CREB1: variants seen among roughly 807,000 people sequenced by gnomAD.
CREB1 encodes cyclic AMP-responsive element-binding protein 1.
A neutral mutation model predicts 42.0 loss-of-function variants in CREB1; 2 were observed. The ratio of observed to expected loss-of-function variants is 0.05; its 90% confidence interval spans 0.02 to 0.15. The LOEUF is 0.15. Among genes scored for constraint, CREB1 ranks in the 10% least tolerant of loss-of-function variants. The pLI, the probability that CREB1 is intolerant of heterozygous loss-of-function variation, is 1.00. For synonymous variants in CREB1, 123 were observed against 139.9 expected (o/e 0.88, Z 0.85); for missense variants, 199 against 388.9 (o/e 0.51, Z 4.11).
Position 207,600,826 on chromosome 2 carries a change from T to G in CREB1, c.*3768T>G. On this transcript the variant is annotated 3_prime_UTR_variant, in exon 8 of 8. Coordinates refer to ENST00000353267, the MANE Select transcript of CREB1 (RefSeq NM_004379.5). ...CAAATCCCTACTATCATTTCTACCT[T>G]TTGGGGTGACATGTGGAATCATACA... 1 of 206,952 alleles carries G rather than the reference T, an allele frequency of 4.8e-6. No individual in the cohort carries two copies. Among genetic ancestry groups the G allele is most frequent in the Non-Finnish European group, 9.9e-6 (1 of 101,336 alleles). The allele number at this position is 206,952 out of a possible 1,614,324, so 12.8% of individuals were successfully genotyped here. A position where few individuals can be genotyped will look rare whatever the true frequency, so the allele number is the denominator to read the frequency against.
In CREB1 at chr2:207,577,500, T is replaced by A; in HGVS notation, c.689-5T>A. ...GTCTTACACCATGCTCACTGTTTTT[T>A]TCAGCTGCCTCTGGAGACGTACAAA... On this transcript the variant is annotated splice_region_variant and splice_polypyrimidine_tract_variant and intron_variant, in intron 6 of 7. Coordinates refer to ENST00000353267, the MANE Select transcript of CREB1 (RefSeq NM_004379.5). The A allele has an allele frequency of 6.2e-7, 1 of 1,613,660 alleles. No individual in the cohort carries two copies. Among genetic ancestry groups the A allele is most frequent in the African/African-American group, 1.3e-5 (1 of 75,022 alleles).
intron 3 of CREB1, among the ~76,000 whole-genome samples, chr2:207,565,507 A>G (rs1553580146): frequency 6.7e-6 from 1 of 149,394 alleles, no homozygotes; most frequent in South Asian, 2.1e-4. Flanking sequence ...TTTTTTCATT[A>G]AGGGCCATAG....
intron 7 of CREB1, 121 bp from the exon 8 acceptor site, chr2:207,596,793 A>T: frequency 8.8e-7 from 1 of 1,131,106 alleles, no homozygotes; most frequent in Non-Finnish European, 1.3e-6. Context: ...TCCAATGCTT[A>T]ATATATACTA....
In CREB1 at chr2:207,554,119, T is replaced by C. The variant is rs1035902512; in HGVS notation, c.-8-1509T>C. Reference sequence around the variant, plus strand: ...ATCGATTATATGGTCAGTGCACTTGTGGCTTTATGAATATTTTAAATAATG... The same window carrying C: ...ATCGATTATATGGTCAGTGCACTTGCGGCTTTATGAATATTTTAAATAATG... On this transcript the variant is annotated intron_variant, in intron 1 of 7. Transcript: ENST00000353267. Among the ~76,000 whole-genome samples the C allele has an allele frequency of 3.9e-5, 6 of 152,230 alleles. No homozygotes were observed. The South Asian group carries it at 1.0e-3, about 26-fold the overall frequency.
At chr2:207,554,221 A>G (rs1246367468) in intron 1 of CREB1, among the ~76,000 whole-genome samples, 1 of 152,138 alleles carries the variant, frequency 6.6e-6, no homozygotes, top group African/African-American at 2.4e-5. Context: ...ATTCATTTCT[A>G]CAGAGTTATT....
rs1407897751 is a variant in CREB1 at position 207,603,938 on chromosome 2, TTTCTTCACTGCCA to T, written c.*6881_*6893del. Among the ~76,000 whole-genome samples the T allele has an allele frequency of 6.6e-6, 1 of 152,210 alleles. No homozygotes were observed. ...AATAAGCAGCTGCATTATTTGTATGTTTCTTCACTGCCAAGATGTGTTCAAGCCTGCTATACCT... is the reference window on the plus strand; with the variant it reads ...AATAAGCAGCTGCATTATTTGTATGTAGATGTGTTCAAGCCTGCTATACCT... On this transcript the variant is annotated 3_prime_UTR_variant, in exon 8 of 8. Coordinates refer to ENST00000353267, the MANE Select transcript of CREB1 (RefSeq NM_004379.5).
intron 7 of CREB1, among the ~76,000 whole-genome samples, chr2:207,588,251 TTA>T (rs1313283804): frequency 6.6e-6 from 1 of 152,216 alleles, no homozygotes; most frequent in Non-Finnish European, 1.5e-5. Flanking sequence ...ATCCATTTTT[TTA>T]TATAGGAACA....
At chr2:207,565,538 A>AT (rs2082109204) in intron 3 of CREB1, among the ~76,000 whole-genome samples, 1 of 151,788 alleles carries the variant, frequency 6.6e-6, no homozygotes. Flanking sequence ...AGAAAAAAAA[A>AT]GGACACAGAT....
In CREB1 at chr2:207,602,899, G is replaced by A; in HGVS notation, c.*5841G>A. On this transcript the variant is annotated 3_prime_UTR_variant, in exon 8 of 8. Transcript: ENST00000353267. ...GTCAGTTGTAACTCCCCCACTCCCT[G>A]CAAAAGGAATTATTTCTAACCCAGA... is the stretch of plus-strand genomic sequence containing the variant. The A allele has an allele frequency of 4.6e-6, 1 of 216,832 alleles. No homozygotes were observed. Among genetic ancestry groups the A allele is most frequent in the Non-Finnish European group, 9.3e-6 (1 of 107,744 alleles). 13.4% of individuals were successfully genotyped at this position (216,832 alleles called of 1,614,324 possible).
Position 207,570,365 on chromosome 2 carries a change from G to T in CREB1, c.505+44G>T, listed in dbSNP as rs757047432. The T allele has an allele frequency of 4.6e-6, 7 of 1,524,494 alleles. No homozygotes were observed. In the Admixed American group the frequency reaches 8.3e-5, roughly 18 times the overall value. The allele number at this position is 1,524,494 out of a possible 1,614,324, so 94.4% of individuals were successfully genotyped here. Reference sequence around the variant, plus strand: ...CTGTTTCTATTGTGAGGAGAAAAAAGTGAGGAGAAAAAGCTAATAGTTGCA... The same window carrying T: ...CTGTTTCTATTGTGAGGAGAAAAAATTGAGGAGAAAAAGCTAATAGTTGCA... On this transcript the variant is annotated intron_variant, in intron 5 of 7. Transcript: ENST00000353267.
intron 2 of CREB1, among the ~76,000 whole-genome samples, chr2:207,558,439 CTT>C (rs1031283731): frequency 6.6e-6 from 1 of 152,172 alleles, no homozygotes; most frequent in African/African-American, 2.4e-5. Context: ...TCTCTCACCT[CTT>C]TTAACTATTC....
rs750277278 is a variant in CREB1 at position 207,599,425 on chromosome 2, C to G, written c.*2367C>G. 7 of 200,478 alleles carry G rather than the reference C, an allele frequency of 3.5e-5. No individual in the cohort carries two copies. Among genetic ancestry groups the G allele is most frequent in the Non-Finnish European group, 6.2e-5 (6 of 97,464 alleles). 12.4% of individuals were successfully genotyped at this position (200,478 alleles called of 1,614,324 possible). A position where few individuals can be genotyped will look rare whatever the true frequency, so the allele number is the denominator to read the frequency against. ...GTTTGTATTCTCTAAAGCTTTTTTT[C>G]AAAAGTTCAGGCTTTCTACTTACTG... On this transcript the variant is annotated 3_prime_UTR_variant, in exon 8 of 8. Coordinates refer to ENST00000353267, the MANE Select transcript of CREB1 (RefSeq NM_004379.5).
chr2:207,582,525 G>A (rs1388904393), intron 7 of CREB1, among the ~76,000 whole-genome samples: 2 of 151,932 alleles, frequency 1.3e-5, no homozygotes, highest in Non-Finnish European at 2.9e-5. Context: ...TTGGCTACTG[G>A]GATCTTTTAT....
chr2:207,588,297 A>C (rs759406203), intron 7 of CREB1, among the ~76,000 whole-genome samples: 2 of 152,076 alleles, frequency 1.3e-5, no homozygotes, highest in African/African-American at 2.4e-5. Context: ...TGAAAAGACT[A>C]TTCTTTCTCT....
chr2:207,586,343 G>T (rs771779705), intron 7 of CREB1, among the ~76,000 whole-genome samples: 1 of 152,268 alleles, frequency 6.6e-6, no homozygotes, highest in South Asian at 2.1e-4. Flanking sequence ...TCAATCAATG[G>T]TATTGGGAAA....
At chr2:207,577,683 TTA>T in intron 7 of CREB1, 28 bp downstream of exon 7, 1 of 1,612,126 alleles carries the variant, frequency 6.2e-7, no homozygotes, top group Non-Finnish European at 8.5e-7. Flanking sequence ...ACTTAGATTG[TTA>T]TGTGTTAAGT....
chr2:207,588,730 T>G (rs1354375216), intron 7 of CREB1, among the ~76,000 whole-genome samples: 13 of 5,592 alleles, frequency 2.3e-3, no homozygotes, highest in East Asian at 0.33. Context: ...GTTTTCTGGT[T>G]TTTTTTTTTT....
intron 1 of CREB1, among the ~76,000 whole-genome samples, chr2:207,540,354 A>C (rs929633171): frequency 3.3e-5 from 5 of 151,910 alleles, no homozygotes; most frequent in Non-Finnish European, 7.4e-5. Flanking sequence ...AAAATTTTAA[A>C]AAGTGGCCGG....
intron 2 of CREB1, 57 bp from the exon 3 acceptor site, chr2:207,560,169 T>G: frequency 2.1e-6 from 3 of 1,447,098 alleles, no homozygotes; most frequent in Non-Finnish European, 2.8e-6. Context: ...ATATTGAACA[T>G]GAGTACTGCC....
Sources: allele counts gnomAD v4.1 joint callset (sites outside exome capture counted in the v4.1 genomes callset), GRCh38; gene constraint gnomAD v4.1.1; transcripts MANE v1.5; gene names NCBI Gene and HGNC (gene_info 2026-07-23, HGNC 2026-07-21).